Variants in CAST observed in about 807,000 individuals in gnomAD.
CAST encodes MIR583 host.
CAST carries 76 observed loss-of-function variants against 119.6 expected under a neutral mutation model. That is an observed-to-expected ratio of 0.64 (90% CI 0.53 to 0.77). The LOEUF is 0.77. Ranked by LOEUF, CAST falls within the 30% of genes least tolerant of loss-of-function variation. The pLI is 0.00. For synonymous variants in CAST, 319 were observed against 331.6 expected, an observed-to-expected ratio of 0.96 and a Z score of 0.41; for missense variants, 953 against 946.5, an observed-to-expected ratio of 1.01 and a Z score of -0.09.
the CAST span, among the ~76,000 whole-genome samples, chr5:96,472,726 A>G: frequency 6.6e-6 from 1 of 152,202 alleles, no homozygotes; most frequent in African/African-American, 2.4e-5. Flanking sequence ...GGAAAATATT[A>G]ATACTAAGGT....
the CAST span, among the ~76,000 whole-genome samples, chr5:96,000,477 T>C: frequency 6.6e-6 from 1 of 152,238 alleles, no homozygotes; most frequent in African/African-American, 2.4e-5. Flanking sequence ...GTTGCCCACA[T>C]TTGTTTCATA....
At chr5:96,160,833 G>A in the CAST span, among the ~76,000 whole-genome samples, 11 of 152,244 alleles carry the variant, frequency 7.2e-5, no homozygotes, top group East Asian at 3.9e-4. Flanking sequence ...ATCTCACTGT[G>A]GGTTAGATTG....
chr5:96,104,417 T>A, the CAST span, among the ~76,000 whole-genome samples: 1 of 152,160 alleles, frequency 6.6e-6, no homozygotes, highest in African/African-American at 2.4e-5. Flanking sequence ...TTGTATAAGG[T>A]GTAAGGAAGG....
chr5:96,538,758 C>T (rs1170076761), intron 1 of CAST, among the ~76,000 whole-genome samples: 1 of 151,842 alleles, frequency 6.6e-6, no homozygotes. Context: ...ACCGCTCCCT[C>T]AGAAATGAAA....
chr5:96,117,634 A>C, the CAST span, among the ~76,000 whole-genome samples: 1 of 152,210 alleles, frequency 6.6e-6, no homozygotes, highest in Non-Finnish European at 1.5e-5. Flanking sequence ...TGTTTGAAGC[A>C]AAGTTAACTG....
At chr5:96,663,344 G>A (rs1748850039) in intron 1 of CAST, among the ~76,000 whole-genome samples, 1 of 152,220 alleles carries the variant, frequency 6.6e-6, no homozygotes, top group Admixed American at 6.5e-5. Flanking sequence ...GGAGAGGCAG[G>A]GGACTCACCC....
chr5:96,062,010 T>C, the CAST span, among the ~76,000 whole-genome samples: 2 of 152,230 alleles, frequency 1.3e-5, no homozygotes, highest in African/African-American at 2.4e-5. Context: ...AACCAAACAA[T>C]TGGTGACAGC....
the CAST span, among the ~76,000 whole-genome samples, chr5:96,368,904 G>C: frequency 5.3e-5 from 8 of 152,228 alleles, no homozygotes; most frequent in African/African-American, 1.9e-4. Flanking sequence ...TATTTAGAAA[G>C]TGTTACTCCA....
chr5:96,751,792 C>T (rs1332237080), intron 20 of CAST, among the ~76,000 whole-genome samples: 1 of 152,180 alleles, frequency 6.6e-6, no homozygotes, highest in Non-Finnish European at 1.5e-5. Flanking sequence ...ACTGCCCGGG[C>T]TTTAGAGGGC....
At chr5:96,343,176 A>G in the CAST span, among the ~76,000 whole-genome samples, 10 of 152,212 alleles carry the variant, frequency 6.6e-5, no homozygotes, top group African/African-American at 2.4e-4. Context: ...CTCACTAAAA[A>G]AAAACACATT....
intron 1 of CAST, among the ~76,000 whole-genome samples, chr5:96,575,001 A>G (rs1746644074): frequency 6.6e-6 from 1 of 152,188 alleles, no homozygotes; most frequent in African/African-American, 2.4e-5. Flanking sequence ...CTATAGATCA[A>G]TTTGGAAAGA....
At chr5:96,338,952 C>A in the CAST span, among the ~76,000 whole-genome samples, 3 of 152,246 alleles carry the variant, frequency 2.0e-5, no homozygotes, top group East Asian at 5.8e-4. Flanking sequence ...AGTGCACTGC[C>A]AGGCATTGGC....
chr5:96,722,504 A>G (rs1758468819), intron 3 of CAST, 135 bp from the exon 4 acceptor site: 4 of 655,018 alleles, frequency 6.1e-6, no homozygotes, highest in Non-Finnish European at 8.3e-6. Context: ...ACCACCTCCT[A>G]CTAGATTTTT....
chr5:96,360,679 T>C, the CAST span, among the ~76,000 whole-genome samples: 1 of 152,204 alleles, frequency 6.6e-6, no homozygotes, highest in Non-Finnish European at 1.5e-5. Flanking sequence ...ACAGCAGAGA[T>C]TGCTGCCTGT....
chr5:96,124,050 A>T, the CAST span, among the ~76,000 whole-genome samples: 5 of 152,174 alleles, frequency 3.3e-5, no homozygotes, highest in African/African-American at 1.2e-4. Context: ...CAGATTTTAG[A>T]TCTGGAAAAG....
chr5:96,472,896 G>A, the CAST span, among the ~76,000 whole-genome samples: 1 of 152,188 alleles, frequency 6.6e-6, no homozygotes, highest in Non-Finnish European at 1.5e-5. Flanking sequence ...TCAAGTGTTG[G>A]CAGTATCATA....
At chr5:96,228,010 T>A in the CAST span, among the ~76,000 whole-genome samples, 1 of 148,358 alleles carries the variant, frequency 6.7e-6, no homozygotes, top group East Asian at 2.0e-4. Flanking sequence ...TCTCTGTGTG[T>A]GTGTGTGTGT....
At chr5:96,654,213 G>C (rs570639571) in intron 1 of CAST, among the ~76,000 whole-genome samples, 1 of 151,814 alleles carries the variant, frequency 6.6e-6, no homozygotes, top group African/African-American at 2.4e-5. Context: ...TTTTAGTAGA[G>C]ACAGGATTTC....
chr5:96,354,430 G>A, the CAST span, among the ~76,000 whole-genome samples: 2 of 151,936 alleles, frequency 1.3e-5, no homozygotes, highest in African/African-American at 4.8e-5. Flanking sequence ...TCAACTGATT[G>A]GTATTGACCG....
Sources: allele counts gnomAD v4.1 joint callset (sites outside exome capture counted in the v4.1 genomes callset), GRCh38; gene constraint gnomAD v4.1.1; transcripts MANE v1.5; gene names NCBI Gene and HGNC (gene_info 2026-07-23, HGNC 2026-07-21).